Variants in APBB2 observed in about 807,000 individuals in gnomAD.
APBB2 encodes amyloid beta precursor protein binding family B member 2, also known as Fe65-like 1.
In APBB2, 38 loss-of-function variants were observed where a neutral mutation model predicts 82.5. The observed-to-expected ratio is 0.46, with a 90% CI of 0.36 to 0.60. The LOEUF is 0.60. APBB2 is among the 20% of genes least tolerant of loss of function. The pLI is 0.00. For synonymous variants in APBB2, 341 were observed against 368.2 expected (o/e 0.93, Z 0.85); for missense variants, 772 against 972.3 (o/e 0.79, Z 2.74).
At chr4:41,119,523 A>T (rs1462697087) in intron 2 of APBB2, among the ~76,000 whole-genome samples, 6 of 76,798 alleles carry the variant, frequency 7.8e-5, no homozygotes, top group Admixed American at 5.6e-4. Flanking sequence ...AAGTTCCATT[A>T]AAAAAAAAAA....
At chr4:40,915,566 T>G (rs1779630207) in intron 10 of APBB2, among the ~76,000 whole-genome samples, 1 of 152,192 alleles carries the variant, frequency 6.6e-6, no homozygotes, top group South Asian at 2.1e-4. Flanking sequence ...CACTGTTGTT[T>G]TCTAAGAAAG....
chr4:40,996,312 TTG>T (rs1351202013), intron 6 of APBB2, among the ~76,000 whole-genome samples: 2 of 152,218 alleles, frequency 1.3e-5, no homozygotes, highest in African/African-American at 4.8e-5. Context: ...CTGTTTTTGT[TTG>T]TTTGTTTTGT....
chr4:41,035,208 T>C (rs1190099250), intron 4 of APBB2, among the ~76,000 whole-genome samples: 1 of 152,228 alleles, frequency 6.6e-6, no homozygotes, highest in Non-Finnish European at 1.5e-5. Flanking sequence ...CCTTTATATT[T>C]GCAAAAGCTC....
intron 1 of APBB2, among the ~76,000 whole-genome samples, chr4:41,167,295 T>C (rs1218285730): frequency 1.3e-5 from 2 of 152,156 alleles, no homozygotes; most frequent in African/African-American, 2.4e-5. Flanking sequence ...GTAGGCATGA[T>C]TGGTTAAATC....
At chr4:41,144,261 C>A (rs186636060) in intron 1 of APBB2, among the ~76,000 whole-genome samples, 3 of 152,298 alleles carry the variant, frequency 2.0e-5, no homozygotes, top group African/African-American at 7.2e-5. Context: ...TTAATCTCTA[C>A]CTTCAGTTGA....
intron 2 of APBB2, among the ~76,000 whole-genome samples, chr4:41,102,711 G>A (rs909112009): frequency 6.6e-6 from 1 of 152,120 alleles, no homozygotes; most frequent in Non-Finnish European, 1.5e-5. Flanking sequence ...CAGGTAATCC[G>A]TCTGCCACCA....
intron 2 of APBB2, among the ~76,000 whole-genome samples, chr4:41,112,338 C>T (rs989674181): frequency 1.3e-5 from 2 of 152,186 alleles, no homozygotes; most frequent in Non-Finnish European, 2.9e-5. Flanking sequence ...CACTGCAATG[C>T]CTGCAACAAT....
chr4:40,837,027 C>T (rs1437980653), intron 12 of APBB2, among the ~76,000 whole-genome samples: 2 of 152,328 alleles, frequency 1.3e-5, no homozygotes, highest in East Asian at 1.9e-4. Context: ...TGTGGTCATA[C>T]GTAAGAGCAA....
intron 6 of APBB2, among the ~76,000 whole-genome samples, chr4:40,959,013 A>C (rs994995975): frequency 6.6e-6 from 1 of 152,178 alleles, no homozygotes; most frequent in Admixed American, 6.5e-5. Flanking sequence ...CCACCCACCT[A>C]ATGAGTGACA....
chr4:40,848,825 C>T, intron 12 of APBB2: 1 of 983,608 alleles, frequency 1.0e-6, no homozygotes, highest in Non-Finnish European at 1.2e-6. Flanking sequence ...TGCTTTTCCC[C>T]CAGGTCCTCC....
chr4:40,897,060 A>G (rs559590704), intron 10 of APBB2, among the ~76,000 whole-genome samples: 1 of 152,238 alleles, frequency 6.6e-6, no homozygotes, highest in Non-Finnish European at 1.5e-5. Context: ...TTCAGTAACA[A>G]CAAAGAAGGT....
At chr4:40,935,646 GGA>G (rs1025953307) in intron 7 of APBB2, 3 of 152,836 alleles carry the variant, frequency 2.0e-5, no homozygotes, top group Admixed American at 2.0e-4. Flanking sequence ...AGAATGATGG[GGA>G]GAGAGGGTTA....
chr4:41,139,915 A>G (rs1005731048), intron 2 of APBB2, among the ~76,000 whole-genome samples: 6 of 152,226 alleles, frequency 3.9e-5, no homozygotes, highest in African/African-American at 1.4e-4. Context: ...TTTAGTAATG[A>G]TAATGTATCA....
chr4:41,124,766 A>T (rs1017141937), intron 2 of APBB2, among the ~76,000 whole-genome samples: 1 of 152,242 alleles, frequency 6.6e-6, no homozygotes, highest in African/African-American at 2.4e-5. Flanking sequence ...GTAAATAAAC[A>T]TCACTTAATC....
At chr4:40,860,661 G>C (rs931426016) in intron 12 of APBB2, among the ~76,000 whole-genome samples, 5 of 152,114 alleles carry the variant, frequency 3.3e-5, no homozygotes, top group Admixed American at 3.3e-4. Flanking sequence ...CCTGAGGGTG[G>C]TCTCATTGAC....
intron 1 of APBB2, among the ~76,000 whole-genome samples, chr4:41,163,286 C>T (rs965346647): frequency 1.3e-5 from 2 of 152,120 alleles, no homozygotes; most frequent in African/African-American, 2.4e-5. Flanking sequence ...AGAATCATCA[C>T]GCATTTTTGA....
intron 6 of APBB2, among the ~76,000 whole-genome samples, chr4:40,964,841 C>T (rs1261113809): frequency 6.6e-6 from 1 of 150,926 alleles, no homozygotes; most frequent in Non-Finnish European, 1.5e-5. Flanking sequence ...AGAATAGTAG[C>T]CGGTAGTGGT....
intron 6 of APBB2, among the ~76,000 whole-genome samples, chr4:40,960,524 TG>T (rs1173692953): frequency 2.1e-5 from 3 of 143,926 alleles, no homozygotes; most frequent in Non-Finnish European, 3.0e-5. Flanking sequence ...CTCGGCTCAC[TG>T]CAAGCTCTGC....
intron 3 of APBB2, among the ~76,000 whole-genome samples, chr4:41,069,560 A>G (rs1253481323): frequency 6.6e-6 from 1 of 152,224 alleles, no homozygotes; most frequent in East Asian, 1.9e-4. Context: ...TTTAGAACCA[A>G]TGCTATCTGC....
Sources: gnomAD v4.1 joint callset for allele counts (sites outside exome capture counted in the v4.1 genomes callset) on GRCh38, gnomAD v4.1.1 for gene constraint, MANE v1.5 for transcripts, NCBI Gene and HGNC (gene_info 2026-07-23, HGNC 2026-07-21) for gene names.